SMG6: variants seen among roughly 807,000 people sequenced by gnomAD.
SMG6 encodes telomerase-binding protein EST1A.
In SMG6, 66 loss-of-function variants were observed where a neutral mutation model predicts 142.2. The observed-to-expected ratio is 0.46, with a 90% confidence interval of 0.38 to 0.57. SMG6 has a LOEUF of 0.57. Among genes scored for constraint, SMG6 ranks in the 20% least tolerant of loss-of-function variants. The pLI is 0.00. For synonymous variants in SMG6, 779 were observed against 702.4 expected, an observed-to-expected ratio of 1.11 and a Z score of -1.72; for missense variants, 1,793 against 1,832.0, an observed-to-expected ratio of 0.98 and a Z score of 0.39.
intron 13 of SMG6, among the ~76,000 whole-genome samples, chr17:2,121,951 A>T (rs1007029631): frequency 2.6e-5 from 4 of 152,056 alleles, no homozygotes; most frequent in Non-Finnish European, 1.5e-5. Flanking sequence ...CTCATGCTTC[A>T]GCTTCCTGAA....
chr17:2,282,777 C>T lies in SMG6; in HGVS notation c.2531G>A (p.Arg844Gln), dbSNP rs199776644. 9.9e-6 allele frequency: 16 copies of T among 1,614,170 alleles called. No individual in the cohort carries two copies. The highest frequency in any genetic ancestry group is 2.2e-5 in the East Asian group (1 of 44,878). The change falls in exon 8 of 19, where the codon CGG (arginine) becomes CAG (glutamine). Residue 844 changes from arginine to glutamine, a missense_variant. Around this residue, in one of 3 missense-constraint regions of SMG6, gnomAD observed 1,597 missense variants for 1,584.6 expected, o/e 1.01. Transcript: ENST00000263073. The stretch of plus-strand genomic sequence containing the variant: ...GCGAGTGGTGTCATCTCCAACATGC[C>T]GGAAAGTAGACTTCTTTCCTTTCCG... ...QWRKGKKSTF[R>Q]HVGDDTTRLE...
At chr17:2,269,284 G>C (rs1245212108) in intron 8 of SMG6, among the ~76,000 whole-genome samples, 1 of 150,952 alleles carries the variant, frequency 6.6e-6, no homozygotes, top group Non-Finnish European at 1.5e-5. Context: ...CCAGCTACTT[G>C]GCAGGCTGAG....
chr17:2,275,621 G>A (rs1394526148), intron 8 of SMG6, among the ~76,000 whole-genome samples: 2 of 152,166 alleles, frequency 1.3e-5, no homozygotes, highest in African/African-American at 4.8e-5. Flanking sequence ...TTCTGATGCT[G>A]TAATTTAATA....
At chr17:2,272,746 G>T (rs2074565956) in intron 8 of SMG6, among the ~76,000 whole-genome samples, 2 of 151,998 alleles carry the variant, frequency 1.3e-5, no homozygotes, top group Admixed American at 1.3e-4. Flanking sequence ...AGACCATCTT[G>T]GCTAACACGG....
At chr17:2,114,262 T>C (rs2069428758) in intron 13 of SMG6, among the ~76,000 whole-genome samples, 1 of 151,982 alleles carries the variant, frequency 6.6e-6, no homozygotes. Context: ...AGAGTGGGAC[T>C]CCATCCCAAA....
At chr17:2,174,827 G>A (rs1235057371) in intron 12 of SMG6, among the ~76,000 whole-genome samples, 1 of 152,180 alleles carries the variant, frequency 6.6e-6, no homozygotes. Flanking sequence ...AGATCTGCCT[G>A]AGCTCCTTTG....
At chr17:2,155,551 T>C (rs1358133914) in intron 13 of SMG6, among the ~76,000 whole-genome samples, 3 of 152,162 alleles carry the variant, frequency 2.0e-5, no homozygotes, top group Non-Finnish European at 2.9e-5. Context: ...GTAGGTTCCA[T>C]GGAAAAAGAT....
At chr17:2,131,384 C>T (rs763082345) in intron 13 of SMG6, among the ~76,000 whole-genome samples, 19 of 152,014 alleles carry the variant, frequency 1.2e-4, no homozygotes, top group South Asian at 1.2e-3. Flanking sequence ...CAACCTCCGC[C>T]TCCCGGGTTC....
intron 10 of SMG6, among the ~76,000 whole-genome samples, chr17:2,193,846 G>C (rs1031696728): frequency 4.6e-5 from 7 of 152,182 alleles, no homozygotes; most frequent in Admixed American, 4.6e-4. Flanking sequence ...CTTTATTTTT[G>C]AGACAGATTC....
At chr17:2,084,175 G>A (rs1399699539) in intron 14 of SMG6, among the ~76,000 whole-genome samples, 2 of 152,206 alleles carry the variant, frequency 1.3e-5, no homozygotes, top group Non-Finnish European at 2.9e-5. Context: ...GCAAGCCTGG[G>A]AGCTAACCTG....
rs189826926 is a variant in SMG6 at position 2,295,279 on chromosome 17, T to C, written c.2151+1964A>G. Reference sequence around the variant, plus strand: ...AAATCACGCTGCTCTCCCTAATGCATCTCTAACTGCTTCCTAAATATGCTC... The same window carrying C: ...AAATCACGCTGCTCTCCCTAATGCACCTCTAACTGCTTCCTAAATATGCTC... On this transcript the variant is annotated intron_variant, in intron 4 of 18. Coordinates refer to ENST00000263073, the MANE Select transcript of SMG6 (RefSeq NM_017575.5). Among the ~76,000 whole-genome samples the C allele has an allele frequency of 2.2e-4, 34 of 152,242 alleles. No homozygotes were observed. In the East Asian group the frequency reaches 4.3e-3, roughly 19 times the overall value.
At chr17:2,296,591 C>T (rs933097062) in intron 4 of SMG6, among the ~76,000 whole-genome samples, 1 of 152,218 alleles carries the variant, frequency 6.6e-6, no homozygotes, top group Non-Finnish European at 1.5e-5. Context: ...CTATTGTGAA[C>T]TAAGCATGCG....
chr17:2,181,673 C>T (rs754840538), intron 12 of SMG6, among the ~76,000 whole-genome samples: 2 of 152,214 alleles, frequency 1.3e-5, no homozygotes, highest in African/African-American at 2.4e-5. Flanking sequence ...TGTCCCAACC[C>T]CCTCTGCCTC....
At chr17:2,301,999 T>C (rs1296174151) in intron 1 of SMG6, among the ~76,000 whole-genome samples, 1 of 152,244 alleles carries the variant, frequency 6.6e-6, no homozygotes. Flanking sequence ...ACGCCTATAA[T>C]CCCAGCACTT....
chr17:2,110,737 A>G (rs955626015), intron 13 of SMG6, among the ~76,000 whole-genome samples: 1 of 152,164 alleles, frequency 6.6e-6, no homozygotes, highest in African/African-American at 2.4e-5. Context: ...CAAATGACAA[A>G]AAGTTGGGCA....
intron 15 of SMG6, among the ~76,000 whole-genome samples, chr17:2,079,315 A>C (rs2068345313): frequency 6.6e-6 from 1 of 152,228 alleles, no homozygotes; most frequent in South Asian, 2.1e-4. Flanking sequence ...GTTGAGAGTC[A>C]AGAAATAACG....
In SMG6 at chr17:2,282,878, C is replaced by T; in HGVS notation, c.2449-19G>A. 6.2e-7 allele frequency: 1 copy of T among 1,612,128 alleles called. No individual in the cohort carries two copies. The highest frequency in any genetic ancestry group is 8.5e-7 in the Non-Finnish European group (1 of 1,178,286). On this transcript the variant is annotated intron_variant, in intron 7 of 18. Coordinates refer to ENST00000263073, the MANE Select transcript of SMG6 (RefSeq NM_017575.5). Reference sequence around the variant, plus strand: ...GTTCTGCCTATATAACATACAAACACATTAGCTCATGGCCTGGTGTGGTGG... The same window carrying T: ...GTTCTGCCTATATAACATACAAACATATTAGCTCATGGCCTGGTGTGGTGG...
intron 16 of SMG6, among the ~76,000 whole-genome samples, chr17:2,067,064 A>G (rs1331204262): frequency 6.6e-6 from 1 of 152,186 alleles, no homozygotes; most frequent in Non-Finnish European, 1.5e-5. Context: ...AGCCTCTGGG[A>G]GAGTCCAGGA....
At chr17:2,232,857 G>A (rs1340329802) in intron 10 of SMG6, 4 of 152,190 alleles carry the variant, frequency 2.6e-5, no homozygotes, top group Non-Finnish European at 4.4e-5. Context: ...CAAGAGCAGA[G>A]TGGGCTCCTA....
Sources: allele counts gnomAD v4.1 joint callset (sites outside exome capture counted in the v4.1 genomes callset), GRCh38; gene constraint gnomAD v4.1.1; regional missense constraint gnomAD v4.1.1; transcripts MANE v1.5; gene names NCBI Gene and HGNC (gene_info 2026-07-23, HGNC 2026-07-21).